NHEJ1: variants seen among roughly 807,000 people sequenced by gnomAD.
NHEJ1 encodes the protein non-homologous end joining factor 1.
A neutral mutation model predicts 39.4 loss-of-function variants in NHEJ1; 22 were observed. The observed-to-expected ratio is 0.56, with a 90% confidence interval of 0.40 to 0.80. NHEJ1 has a LOEUF of 0.80. Among genes scored for constraint, NHEJ1 ranks in the 30% least tolerant of loss-of-function variants. The pLI is 0.00. For synonymous variants in NHEJ1, 154 were observed against 135.6 expected (o/e 1.14, Z -0.94); for missense variants, 329 against 357.1 (o/e 0.92, Z 0.63).
rs772394806 is a variant in NHEJ1 at position 219,158,213 on chromosome 2, G to A, written c.150C>T (p.Asp50=). ...TGGCTCGCTGGCTGACCACACTAGT[G>A]TCCACCTGTTCATGCCACACCTGTT... ...DLQQVWHEQV[D]TSVVSQRAKE... is the part of the protein sequence containing the mutation. The change falls in exon 2 of 8, where the codon GAC becomes GAT. Residue 50 remains aspartate, a synonymous_variant. Coordinates refer to ENST00000356853, the MANE Select transcript of NHEJ1 (RefSeq NM_024782.3). 18 of 1,614,016 alleles carry A rather than the reference G, an allele frequency of 1.1e-5. No individual in the cohort carries two copies. Among genetic ancestry groups the A allele is most frequent in the Non-Finnish European group, 1.5e-5 (18 of 1,180,044 alleles).
intron 5 of NHEJ1, among the ~76,000 whole-genome samples, chr2:219,126,058 T>G (rs1949511548): frequency 6.6e-6 from 1 of 152,260 alleles, no homozygotes; most frequent in African/African-American, 2.4e-5. Flanking sequence ...CTCATTTCCA[T>G]GTTTCATGGT....
At chr2:219,089,019 C>G (rs1200442886) in intron 5 of NHEJ1, among the ~76,000 whole-genome samples, 3 of 152,106 alleles carry the variant, frequency 2.0e-5, no homozygotes, top group Non-Finnish European at 4.4e-5. Context: ...CGGGGTTTCA[C>G]TGTGTTAGCC....
chr2:219,076,837 G>A (rs111292214), intron 7 of NHEJ1, among the ~76,000 whole-genome samples: 2 of 152,288 alleles, frequency 1.3e-5, no homozygotes, highest in African/African-American at 4.8e-5. Flanking sequence ...ACCATGCCCA[G>A]CTACAAAGAG....
At chr2:219,155,462 T>C (rs1422305232) in intron 3 of NHEJ1, among the ~76,000 whole-genome samples, 2 of 151,800 alleles carry the variant, frequency 1.3e-5, no homozygotes, top group Non-Finnish European at 2.9e-5. Flanking sequence ...TTTATTAAAT[T>C]TTATTTATGT....
At chr2:219,159,594 T>C (rs1207874487) in intron 1 of NHEJ1, among the ~76,000 whole-genome samples, 2 of 141,054 alleles carry the variant, frequency 1.4e-5, no homozygotes, top group East Asian at 2.1e-4. Context: ...TATGCATATA[T>C]ATATATGCAT....
chr2:219,147,554 TG>T, intron 4 of NHEJ1, 102 bp downstream of exon 4: 1 of 1,424,678 alleles, frequency 7.0e-7, no homozygotes, highest in Non-Finnish European at 9.9e-7. Flanking sequence ...GCACCCATCC[TG>T]GGGGAGGCAC....
intron 5 of NHEJ1, among the ~76,000 whole-genome samples, chr2:219,084,313 T>C (rs1012179619): frequency 6.6e-6 from 1 of 152,188 alleles, no homozygotes; most frequent in African/African-American, 2.4e-5. Context: ...GGTTCTGCTA[T>C]TTTCAACTTA....
At chr2:219,095,879 T>TA (rs926673303) in intron 5 of NHEJ1, among the ~76,000 whole-genome samples, 45 of 148,756 alleles carry the variant, frequency 3.0e-4, no homozygotes, top group African/African-American at 6.4e-4. Flanking sequence ...AGAGAAGCTT[T>TA]AAAAAAAAAA....
chr2:219,159,584 T>TGC (rs5838723), intron 1 of NHEJ1, among the ~76,000 whole-genome samples: 1 of 116,536 alleles, frequency 8.6e-6, no homozygotes, highest in Non-Finnish European at 1.6e-5. Flanking sequence ...TGCATATATA[T>TGC]ATGCATATAT....
At chr2:219,081,422 C>T (rs1014717547) in intron 5 of NHEJ1, among the ~76,000 whole-genome samples, 1 of 152,156 alleles carries the variant, frequency 6.6e-6, no homozygotes, top group East Asian at 1.9e-4. Flanking sequence ...GGCCACAATG[C>T]GGGTCACTGC....
intron 5 of NHEJ1, chr2:219,095,207 A>G (rs954223638): frequency 3.1e-5 from 14 of 447,340 alleles, no homozygotes; most frequent in Non-Finnish European, 6.6e-5. Context: ...CAGCCTAACT[A>G]CCGACGTGGC....
At chr2:219,156,001 G>C (rs1239390425) in intron 3 of NHEJ1, among the ~76,000 whole-genome samples, 1 of 151,508 alleles carries the variant, frequency 6.6e-6, no homozygotes, top group Non-Finnish European at 1.5e-5. Context: ...TGTAATCCCA[G>C]CACTTTGGGA....
chr2:219,083,022 C>T lies in NHEJ1; in HGVS notation c.589-4816G>A, dbSNP rs543130883. Among the ~76,000 whole-genome samples, 5 of 152,338 alleles carry T rather than the reference C, an allele frequency of 3.3e-5. No individual in the cohort carries two copies. The South Asian group carries it at 1.0e-3, about 32-fold the overall frequency. On this transcript the variant is annotated intron_variant, in intron 5 of 7. Transcript: ENST00000356853. The stretch of plus-strand genomic sequence containing the variant: ...CAAGAAACGTAATTTAGGAAGAAGA[C>T]TCTAATGAGAAGGACTCTTCAAGAA...
chr2:219,089,087 C>T (rs967363935), intron 5 of NHEJ1, among the ~76,000 whole-genome samples: 2 of 152,074 alleles, frequency 1.3e-5, no homozygotes, highest in Non-Finnish European at 2.9e-5. Flanking sequence ...CCAAAGTGCT[C>T]GGATTACAGG....
intron 5 of NHEJ1, among the ~76,000 whole-genome samples, chr2:219,103,621 TAAG>T (rs1341729251): frequency 6.6e-6 from 1 of 152,170 alleles, no homozygotes; most frequent in Non-Finnish European, 1.5e-5. Context: ...GAAAGAAACC[TAAG>T]AATAACAACA....
In NHEJ1 at chr2:219,071,885, T is replaced by G. The variant is rs1362866191; in HGVS notation, c.*4496A>C. On this transcript the variant is annotated 3_prime_UTR_variant, in exon 8 of 8. Coordinates refer to ENST00000356853, the MANE Select transcript of NHEJ1 (RefSeq NM_024782.3). The stretch of plus-strand genomic sequence containing the variant: ...CTCCAAATAGAGAAACTGAGTGGGG[T>G]GGGACTTAATAGCTCAGAAGAGTGA... 1.3e-5 allele frequency among the ~76,000 whole-genome samples: 2 copies of G among 152,112 alleles called. No homozygotes were observed. Among genetic ancestry groups the G allele is most frequent in the Non-Finnish European group, 2.9e-5 (2 of 68,034 alleles).
intron 5 of NHEJ1, 77 bp downstream of exon 5, chr2:219,146,603 A>G: frequency 8.3e-7 from 1 of 1,201,822 alleles, no homozygotes; most frequent in Non-Finnish European, 1.2e-6. Flanking sequence ...CCTAACACCC[A>G]AAACACAAAT....
chr2:219,078,282 C>T (rs766554246), intron 5 of NHEJ1, 76 bp from the exon 6 acceptor site: 2 of 1,192,544 alleles, frequency 1.7e-6, no homozygotes, highest in Non-Finnish European at 2.5e-6. Flanking sequence ...ACATGCAGAA[C>T]CGGCATCAAC....
At chr2:219,123,088 G>A (rs530872991) in intron 5 of NHEJ1, among the ~76,000 whole-genome samples, 3 of 152,178 alleles carry the variant, frequency 2.0e-5, no homozygotes, top group Non-Finnish European at 2.9e-5. Flanking sequence ...TTAGGATGTA[G>A]AGGCTAAATC....
Sources: gnomAD v4.1 joint callset for allele counts (sites outside exome capture counted in the v4.1 genomes callset) on GRCh38, gnomAD v4.1.1 for gene constraint, MANE v1.5 for transcripts, NCBI Gene and HGNC (gene_info 2026-07-23, HGNC 2026-07-21) for gene names.